NCOA1: variants seen among roughly 807,000 people sequenced by gnomAD.
NCOA1 encodes the protein nuclear receptor coactivator 1, also known as Hin-2 protein.
NCOA1 carries 35 observed loss-of-function variants against 150.9 expected under a neutral mutation model. The ratio of observed to expected loss-of-function variants is 0.23; its 90% confidence interval spans 0.18 to 0.31. NCOA1 has a LOEUF of 0.31. Among genes scored for constraint, NCOA1 ranks in the 10% least tolerant of loss-of-function variants. NCOA1 has a pLI of 1.00. For synonymous variants in NCOA1, 590 were observed against 630.0 expected, an observed-to-expected ratio of 0.94 and a Z score of 0.95; for missense variants, 1,491 against 1,749.3, an observed-to-expected ratio of 0.85 and a Z score of 2.63.
intron 1 of NCOA1, among the ~76,000 whole-genome samples, chr2:24,539,280 G>A (rs1413369576): frequency 1.3e-5 from 2 of 152,098 alleles, no homozygotes; most frequent in East Asian, 1.9e-4. Context: ...AGTGGGTTTT[G>A]TACAATGCCT....
chr2:24,533,744 G>A (rs62456548), intron 1 of NCOA1, among the ~76,000 whole-genome samples: 6,919 of 152,200 alleles, frequency 0.045, 251 homozygotes, highest in East Asian at 0.2. Flanking sequence ...GATGGATTAT[G>A]TTTATCATTT....
chr2:24,708,806 C>T (rs1338298584), intron 13 of NCOA1, among the ~76,000 whole-genome samples: 3 of 152,206 alleles, frequency 2.0e-5, no homozygotes, highest in Non-Finnish European at 4.4e-5. Flanking sequence ...TCTCTTCCCT[C>T]AGAAATACTG....
chr2:24,570,833 C>T (rs918565986), intron 2 of NCOA1, among the ~76,000 whole-genome samples: 5 of 152,092 alleles, frequency 3.3e-5, no homozygotes, highest in African/African-American at 4.8e-5. Flanking sequence ...CTCTTAGAGA[C>T]ATATGTCTTG....
intron 2 of NCOA1, among the ~76,000 whole-genome samples, chr2:24,567,643 G>T (rs752725401): frequency 3.9e-5 from 6 of 152,180 alleles, no homozygotes; most frequent in African/African-American, 7.2e-5. Flanking sequence ...CAAAAGTAAA[G>T]ATTAGGGAAT....
chr2:24,713,306 G>T (rs1488155382), intron 14 of NCOA1, among the ~76,000 whole-genome samples: 1 of 150,540 alleles, frequency 6.6e-6, no homozygotes, highest in East Asian at 1.9e-4. Flanking sequence ...CACAAACAAG[G>T]GTGGGAAACA....
chr2:24,605,616 A>G (rs1668330623), intron 3 of NCOA1, among the ~76,000 whole-genome samples: 1 of 152,172 alleles, frequency 6.6e-6, no homozygotes, highest in Admixed American at 6.5e-5. Context: ...GGGTTTGTGC[A>G]TATTCAATTT....
intron 1 of NCOA1, among the ~76,000 whole-genome samples, chr2:24,537,100 C>T (rs895078132): frequency 1.3e-5 from 2 of 151,922 alleles, no homozygotes; most frequent in Non-Finnish European, 2.9e-5. Context: ...AACCCCAAAC[C>T]ACCTGTACCC....
intron 17 of NCOA1, among the ~76,000 whole-genome samples, chr2:24,730,886 A>C (rs931857877): frequency 1.3e-5 from 2 of 150,976 alleles, no homozygotes; most frequent in East Asian, 3.9e-4. Context: ...AAAAAAAAAA[A>C]AAAAAAACGG....
At chr2:24,738,871 AT>A (rs1663460371) in intron 17 of NCOA1, among the ~76,000 whole-genome samples, 1 of 151,986 alleles carries the variant, frequency 6.6e-6, no homozygotes, top group Non-Finnish European at 1.5e-5. Context: ...TAAATAATCC[AT>A]TTTTTCAGAC....
At chr2:24,671,206 A>G (rs948686214) in intron 6 of NCOA1, among the ~76,000 whole-genome samples, 1 of 152,232 alleles carries the variant, frequency 6.6e-6, no homozygotes, top group Non-Finnish European at 1.5e-5. Context: ...AATGAATCAA[A>G]CCTACATGTA....
intron 3 of NCOA1, among the ~76,000 whole-genome samples, chr2:24,588,506 C>T (rs56293719): frequency 6.6e-6 from 1 of 152,144 alleles, no homozygotes; most frequent in Non-Finnish European, 1.5e-5. Flanking sequence ...CCTTTTTCCC[C>T]CCTCTCCGTT....
At chr2:24,704,497 C>G (rs1315919004) in intron 11 of NCOA1, among the ~76,000 whole-genome samples, 2 of 152,112 alleles carry the variant, frequency 1.3e-5, no homozygotes, top group Non-Finnish European at 2.9e-5. Context: ...TAAGGTTGGG[C>G]CAGGCGCGGT....
chr2:24,641,948 C>T (rs1670235309), intron 3 of NCOA1, among the ~76,000 whole-genome samples: 1 of 151,436 alleles, frequency 6.6e-6, no homozygotes, highest in African/African-American at 2.4e-5. Flanking sequence ...TATTTCTGCC[C>T]CAGTGTCTTT....
At chr2:24,646,129 ATTTC>A (rs1369735059) in intron 4 of NCOA1, among the ~76,000 whole-genome samples, 11 of 152,124 alleles carry the variant, frequency 7.2e-5, no homozygotes, top group Middle Eastern at 3.2e-3. Context: ...CATCTTTTCT[ATTTC>A]TTCTTAACAT....
At chr2:24,522,065 G>A (rs1442623462) in intron 1 of NCOA1, among the ~76,000 whole-genome samples, 5 of 151,728 alleles carry the variant, frequency 3.3e-5, no homozygotes, top group Non-Finnish European at 7.4e-5. Context: ...TCTCCCCAAT[G>A]GAATGTAAGT....
intron 8 of NCOA1, among the ~76,000 whole-genome samples, chr2:24,690,258 T>C (rs1672598115): frequency 6.6e-6 from 1 of 152,042 alleles, no homozygotes; most frequent in East Asian, 1.9e-4. Context: ...CCAGTATAGG[T>C]TTGTTTCCAT....
At chr2:24,589,189 T>G (rs1667541704) in intron 3 of NCOA1, among the ~76,000 whole-genome samples, 1 of 152,128 alleles carries the variant, frequency 6.6e-6, no homozygotes, top group African/African-American at 2.4e-5. Flanking sequence ...TTCTTACTGG[T>G]CTCTCCCTGG....
chr2:24,601,612 C>CTTT (rs112063269), intron 3 of NCOA1, among the ~76,000 whole-genome samples: 4 of 132,010 alleles, frequency 3.0e-5, no homozygotes, highest in African/African-American at 2.7e-5. Flanking sequence ...CTCCTTCCTC[C>CTTT]TTTTTTTTTT....
intron 4 of NCOA1, among the ~76,000 whole-genome samples, chr2:24,650,571 T>C (rs2148476397): frequency 6.6e-6 from 1 of 152,040 alleles, no homozygotes; most frequent in East Asian, 1.9e-4. Context: ...TATGACTCAA[T>C]AAAAAGACAA....
Sources: gnomAD v4.1 joint callset for allele counts (sites outside exome capture counted in the v4.1 genomes callset) on GRCh38, gnomAD v4.1.1 for gene constraint, MANE v1.5 for transcripts, NCBI Gene and HGNC (gene_info 2026-07-23, HGNC 2026-07-21) for gene names.